Variants in ENOX1 observed in about 807,000 individuals in gnomAD.
ENOX1 encodes the protein ecto-NOX disulfide-thiol exchanger 1.
ENOX1 carries 42 observed loss-of-function variants against 82.5 expected under a neutral mutation model. The observed-to-expected ratio is 0.51, with a 90% confidence interval of 0.40 to 0.66. ENOX1 has a LOEUF of 0.66. ENOX1 is among the 30% of genes least tolerant of loss of function. The pLI, the probability that ENOX1 is intolerant of heterozygous loss-of-function variation, is 0.00. For missense variants in ENOX1, 608 were observed against 811.6 expected (o/e 0.75, Z 3.05); for synonymous variants, 271 against 282.2 (o/e 0.96, Z 0.40).
chr13:43,511,524 C>T (rs1030847507), intron 2 of ENOX1, among the ~76,000 whole-genome samples: 6 of 152,014 alleles, frequency 3.9e-5, no homozygotes, highest in East Asian at 1.9e-4. Flanking sequence ...AAAAGGCAAA[C>T]GCCAAAATGA....
intron 1 of ENOX1, among the ~76,000 whole-genome samples, chr13:43,757,443 T>A (rs1384732674): frequency 1.3e-5 from 2 of 152,188 alleles, no homozygotes; most frequent in Non-Finnish European, 2.9e-5. Context: ...ATGAGACACA[T>A]GTGGTTGTGT....
intron 1 of ENOX1, among the ~76,000 whole-genome samples, chr13:43,698,856 C>G (rs918538629): frequency 6.6e-6 from 1 of 151,666 alleles, no homozygotes; most frequent in Non-Finnish European, 1.5e-5. Context: ...ACTCTTCTTA[C>G]AGTTTTAACC....
chr13:43,433,826 A>T (rs1232376184), intron 3 of ENOX1, among the ~76,000 whole-genome samples: 1 of 152,206 alleles, frequency 6.6e-6, no homozygotes, highest in African/African-American at 2.4e-5. Flanking sequence ...CATGGCAACC[A>T]TGAAAACTGA....
chr13:43,721,550 TTG>T (rs374283432), intron 1 of ENOX1, among the ~76,000 whole-genome samples: 13,836 of 151,234 alleles, frequency 0.091, 1,001 homozygotes, highest in East Asian at 0.26. Flanking sequence ...GGCTAATTTT[TTG>T]TGTTTTTAGT....
At chr13:43,354,354 C>T (rs2050005852) in intron 8 of ENOX1, among the ~76,000 whole-genome samples, 1 of 152,130 alleles carries the variant, frequency 6.6e-6, no homozygotes. Flanking sequence ...AGAGCATCAG[C>T]AAGAAGCATT....
intron 2 of ENOX1, among the ~76,000 whole-genome samples, chr13:43,642,016 T>C (rs2083677541): frequency 6.6e-6 from 1 of 152,228 alleles, no homozygotes; most frequent in South Asian, 2.1e-4. Context: ...AAGGTGCTTT[T>C]CATCATTTAA....
At chr13:43,482,681 T>C (rs578181136) in intron 3 of ENOX1, among the ~76,000 whole-genome samples, 2 of 151,340 alleles carry the variant, frequency 1.3e-5, no homozygotes, top group South Asian at 2.1e-4. Context: ...AAAAAGGAAA[T>C]TGGATCCCTG....
intron 9 of ENOX1, among the ~76,000 whole-genome samples, chr13:43,337,898 C>T (rs1293531289): frequency 6.6e-6 from 1 of 152,130 alleles, no homozygotes; most frequent in Non-Finnish European, 1.5e-5. Flanking sequence ...AGGGTTTGGC[C>T]CAACCCTTTA....
intron 3 of ENOX1, among the ~76,000 whole-genome samples, chr13:43,478,748 T>C (rs2058391612): frequency 6.6e-6 from 1 of 152,162 alleles, no homozygotes; most frequent in African/African-American, 2.4e-5. Context: ...ACTATAAAAA[T>C]TGAGATACCC....
In ENOX1 at chr13:43,356,172, T is replaced by A; in HGVS notation, c.590-20A>T. On this transcript the variant is annotated intron_variant, in intron 7 of 16. Transcript: ENST00000690772. ...TATAACCTGAAACCAATGGAAACTC[T>A]GGTCACACCATAATGTAACAATGGC... The A allele has an allele frequency of 6.2e-7, 1 of 1,610,624 alleles. No homozygotes were observed. Among genetic ancestry groups the A allele is most frequent in the East Asian group, 2.2e-5 (1 of 44,826 alleles).
intron 2 of ENOX1, among the ~76,000 whole-genome samples, chr13:43,643,656 CAT>C (rs922054314): frequency 8.6e-5 from 13 of 150,294 alleles, no homozygotes; most frequent in African/African-American, 2.9e-4. Flanking sequence ...TATACACACA[CAT>C]ATATATATAC....
intron 1 of ENOX1, among the ~76,000 whole-genome samples, chr13:43,711,964 G>C (rs891044497): frequency 2.8e-5 from 4 of 145,216 alleles, no homozygotes; most frequent in African/African-American, 1.0e-4. Context: ...TGTTGCCATT[G>C]CTTTTGGTGT....
intron 14 of ENOX1, among the ~76,000 whole-genome samples, chr13:43,251,898 T>C (rs1235102084): frequency 1.3e-5 from 2 of 152,166 alleles, no homozygotes; most frequent in Non-Finnish European, 2.9e-5. Context: ...AGGAATGATA[T>C]ATATGCTTAC....
At position 43,655,912 on chromosome 13, in the gene ENOX1, C is replaced by T. The variant is rs78729392; in HGVS notation, c.-219+11567G>A. 6.4e-3 allele frequency among the ~76,000 whole-genome samples: 972 copies of T among 152,254 alleles called. 8 individuals are homozygous for T. The highest frequency in any genetic ancestry group is 0.022 in the African/African-American group (919 of 41,528). Reference sequence around the variant, plus strand: ...CCATGGTTTTCCACCATTCCTGATTCGGGGATCTTAAGGTTTGGGTTCATA... The same window carrying T: ...CCATGGTTTTCCACCATTCCTGATTTGGGGATCTTAAGGTTTGGGTTCATA... On this transcript the variant is annotated intron_variant, in intron 2 of 16. Coordinates refer to ENST00000690772, the MANE Select transcript of ENOX1 (RefSeq NM_001347969.2).
intron 1 of ENOX1, among the ~76,000 whole-genome samples, chr13:43,749,286 A>G (rs1384270962): frequency 6.6e-6 from 1 of 152,214 alleles, no homozygotes; most frequent in Admixed American, 6.5e-5. Flanking sequence ...TTCAGCTACA[A>G]TTATTTACAA....
chr13:43,370,202 C>T (rs1341527986), intron 5 of ENOX1, among the ~76,000 whole-genome samples: 1 of 152,060 alleles, frequency 6.6e-6, no homozygotes, highest in Non-Finnish European at 1.5e-5. Flanking sequence ...CCCATCTCTG[C>T]TAAAAGTACA....
At chr13:43,599,658 T>C (rs2153730828) in intron 2 of ENOX1, among the ~76,000 whole-genome samples, 1 of 151,954 alleles carries the variant, frequency 6.6e-6, no homozygotes, top group African/African-American at 2.4e-5. Context: ...GTCAGTGGAC[T>C]TGAGATGCAT....
chr13:43,476,369 T>C (rs1470569793), intron 3 of ENOX1, among the ~76,000 whole-genome samples: 1 of 151,996 alleles, frequency 6.6e-6, no homozygotes, highest in Non-Finnish European at 1.5e-5. Flanking sequence ...AACAACATAC[T>C]AAACTTTAAA....
chr13:43,778,696 T>C (rs1594774567), intron 1 of ENOX1, among the ~76,000 whole-genome samples: 1 of 152,218 alleles, frequency 6.6e-6, no homozygotes. Context: ...AGTGAATTAT[T>C]CATACTCTTC....
Sources: allele counts gnomAD v4.1 joint callset (sites outside exome capture counted in the v4.1 genomes callset), GRCh38; gene constraint gnomAD v4.1.1; transcripts MANE v1.5; gene names NCBI Gene and HGNC (gene_info 2026-07-23, HGNC 2026-07-21).